The following MTOR variants were observed in gnomAD, a reference collection of about 807,000 sequenced individuals.
The protein encoded by MTOR is mechanistic target of rapamycin kinase, also known as serine/threonine-protein kinase mTOR.
Under a neutral mutation model 319.8 loss-of-function variants are expected in MTOR, and 70 were observed. That is an observed-to-expected ratio of 0.22 (90% confidence interval 0.18 to 0.27). The LOEUF (loss-of-function observed/expected upper bound fraction) is 0.27. Ranked by LOEUF, MTOR falls within the 10% of genes least tolerant of loss-of-function variation. The probability of loss-of-function intolerance (pLI) is 1.00; values close to 1 mark genes in which losing one functional copy is unlikely to be tolerated. For missense variants in MTOR, 1,890 were observed against 3,274.4 expected, an observed-to-expected ratio of 0.58 and a Z score of 10.32; for synonymous variants, 1,183 against 1,211.4, an observed-to-expected ratio of 0.98 and a Z score of 0.49.
rs140146634 is a variant in MTOR, at chr1:11,237,897, G to A, written c.2154C>T (p.Leu718=). ...TGACAAAGGCAGGGTTCATGCTACT[G>A]AGTCGGCCCACAGTGCAGATGGCCA... ...RELAICTVGR[L]SSMNPAFVMP... is the part of the protein sequence containing the mutation. Residue 718 remains leucine (L), a synonymous_variant, in exon 13 of 58, where the codon CTC becomes CTT. Coordinates refer to ENST00000361445, the MANE Select transcript of MTOR (RefSeq NM_004958.4). The A allele has an allele frequency of 6.2e-7, 1 of 1,614,132 alleles. No individual in the cohort carries two copies. Among genetic ancestry groups the A allele is most frequent in the African/African-American group, 1.3e-5 (1 of 75,058 alleles).
At chr1:11,107,944 T>A (rs1025216560) in intron 57 of MTOR, among the ~76,000 whole-genome samples, 1 of 152,228 alleles carries the variant, frequency 6.6e-6, no homozygotes, top group African/African-American at 2.4e-5. Context: ...CCTGAACCAC[T>A]TATCTTAATG....
chr1:11,226,883 A>G (rs1198502735), intron 19 of MTOR, among the ~76,000 whole-genome samples: 2 of 152,136 alleles, frequency 1.3e-5, no homozygotes, highest in African/African-American at 4.8e-5. Context: ...TTAAAACTAA[A>G]AAACAAAACT....
intron 17 of MTOR, 36 bp downstream of exon 17, chr1:11,231,264 A>G (rs753584793): frequency 6.2e-7 from 1 of 1,613,048 alleles, no homozygotes; most frequent in Non-Finnish European, 8.5e-7. Flanking sequence ...TCGTCCCAGC[A>G]AAGTCTTTAA....
chr1:11,258,420 G>T, intron 3 of MTOR, 65 bp downstream of exon 3: 1 of 1,112,040 alleles, frequency 9.0e-7, no homozygotes, highest in Non-Finnish European at 1.3e-6. Context: ...GTAAGTGGCA[G>T]ACACAGGGTG....
chr1:11,125,203 A>G (rs1050841112), intron 46 of MTOR, among the ~76,000 whole-genome samples: 5 of 152,034 alleles, frequency 3.3e-5, no homozygotes, highest in African/African-American at 1.2e-4. Flanking sequence ...CTGAGTAACA[A>G]TTTCTCACTT....
intron 8 of MTOR, among the ~76,000 whole-genome samples, chr1:11,244,058 C>G (rs141536242): frequency 2.6e-5 from 4 of 151,484 alleles, no homozygotes; most frequent in African/African-American, 9.7e-5. Flanking sequence ...TTTGGGACAC[C>G]AAGGCAGGAG....
At chr1:11,164,185 A>G (rs1417741252) in intron 29 of MTOR, among the ~76,000 whole-genome samples, 1 of 152,100 alleles carries the variant, frequency 6.6e-6, no homozygotes, top group African/African-American at 2.4e-5. Context: ...TCTATAAAAA[A>G]TTAGCCGGGC....
intron 6 of MTOR, 76 bp downstream of exon 6, chr1:11,253,763 G>T: frequency 2.0e-6 from 3 of 1,501,560 alleles, no homozygotes; most frequent in South Asian, 1.1e-5. Flanking sequence ...GCTCCATGAG[G>T]ACATGGATCT....
At chr1:11,209,928 C>T (rs189762046) in intron 24 of MTOR, among the ~76,000 whole-genome samples, 16 of 151,816 alleles carry the variant, frequency 1.1e-4, no homozygotes, top group South Asian at 8.3e-4. Context: ...AGTGCAGTAG[C>T]GCAATCTCAG....
At chr1:11,171,489 A>T (rs1187870008) in intron 28 of MTOR, among the ~76,000 whole-genome samples, 1 of 151,952 alleles carries the variant, frequency 6.6e-6, no homozygotes, top group Non-Finnish European at 1.5e-5. Flanking sequence ...AGCTCGATTC[A>T]TTCCGAGGAG....
At chr1:11,238,947 G>A (rs888218880) in intron 11 of MTOR, among the ~76,000 whole-genome samples, 9 of 103,718 alleles carry the variant, frequency 8.7e-5, no homozygotes, top group Non-Finnish European at 1.6e-4. Flanking sequence ...TTTTTTTTTT[G>A]GTATTTTTAT....
rs1356190335 is a variant in MTOR at position 11,115,849 on chromosome 1, T to C, written c.7017-381A>G. On this transcript the variant is annotated intron_variant, in intron 50 of 57. Transcript: ENST00000361445. The surrounding 1 kb of genome is among the most constrained non-coding windows in gnomAD (Gnocchi z 4.5). The stretch of plus-strand genomic sequence containing the variant: ...GAGATACTGTGCTTTTCTGAGGTCT[T>C]TGGTGACCTAATAAGTCATTTCTGG... 6.6e-6 allele frequency among the ~76,000 whole-genome samples: 1 copy of C among 152,230 alleles called. No homozygotes were observed. Among genetic ancestry groups the C allele is most frequent in the Non-Finnish European group, 1.5e-5 (1 of 68,034 alleles).
In MTOR at chr1:11,135,705, C is replaced by T. The variant is rs553708478; in HGVS notation, c.5131-1239G>A. ...AAAATTAGCCGGGCGTGGTGGGGCG[C>T]GCCTGTAATCCCAGCTATTTGGGAG... On this transcript the variant is annotated intron_variant, in intron 36 of 57. Transcript: ENST00000361445. 1.7e-4 allele frequency among the ~76,000 whole-genome samples: 26 copies of T among 150,710 alleles called. No individual in the cohort carries two copies. The East Asian group carries it at 1.8e-3, about 10-fold the overall frequency.
In MTOR at chr1:11,145,170, C is replaced by T. The variant is rs149505126; in HGVS notation, c.4687-125G>A. The T allele has an allele frequency of 7.9e-5, 65 of 821,148 alleles. No homozygotes were observed. The African/African-American group carries it at 1.0e-3, about 13-fold the overall frequency. The allele number at this position is 821,148 out of a possible 1,614,324, so 50.9% of individuals were successfully genotyped here. ...AATTCCAGGGATGAAAAGAGAAATT[C>T]GCTGAAGAAGGGCATTTTCCCAGAA... On this transcript the variant is annotated intron_variant, in intron 32 of 57. Coordinates refer to ENST00000361445, the MANE Select transcript of MTOR (RefSeq NM_004958.4).
In MTOR at chr1:11,210,837, C is replaced by T; in HGVS notation, c.3631G>A (p.Val1211Met). Reference sequence around the variant, plus strand: ...ACCTTGACAATTCTGCAGATGAGCACATCATAGCGCTGATGATTGATTCGG... The same window carrying T: ...ACCTTGACAATTCTGCAGATGAGCATATCATAGCGCTGATGATTGATTCGG... Reference protein sequence around the residue: ...RHRINHQRYDVLICRIVKGYT... With the variant: ...RHRINHQRYDMLICRIVKGYT... Residue 1211 changes from valine to methionine, a missense_variant, in exon 24 of 58, where the codon GTG becomes ATG. Val to Met is a conservative substitution (Grantham distance 21). This residue lies in a region of MTOR where 115 missense variants were observed against 105.7 expected (regional missense o/e 1.09). Coordinates refer to ENST00000361445, the MANE Select transcript of MTOR (RefSeq NM_004958.4). 2.5e-6 allele frequency: 4 copies of T among 1,612,880 alleles called. No individual in the cohort carries two copies. Among genetic ancestry groups the T allele is most frequent in the Non-Finnish European group, 3.4e-6 (4 of 1,179,474 alleles).
At chr1:11,160,926 G>C (rs776690669) in intron 29 of MTOR, among the ~76,000 whole-genome samples, 1 of 152,198 alleles carries the variant, frequency 6.6e-6, no homozygotes, top group East Asian at 1.9e-4. Context: ...GGGGCTTGTC[G>C]GACAGTGGGT....
In MTOR at chr1:11,230,030, T is replaced by C. The variant is rs374545725; in HGVS notation, c.2779+895A>G. Among the ~76,000 whole-genome samples, 193 of 151,736 alleles carry C rather than the reference T, an allele frequency of 1.3e-3. 1 individual carries two copies. Among genetic ancestry groups the C allele is most frequent in the South Asian group, 5.0e-3 (24 of 4,800 alleles). Reference sequence around the variant, plus strand: ...GCAATGGGCAACAGACCACCAGAAATTATTCCACCTGTCTAACTGGAACCT... The same window carrying C: ...GCAATGGGCAACAGACCACCAGAAACTATTCCACCTGTCTAACTGGAACCT... On this transcript the variant is annotated intron_variant, in intron 18 of 57. Coordinates refer to ENST00000361445, the MANE Select transcript of MTOR (RefSeq NM_004958.4).
intron 6 of MTOR, among the ~76,000 whole-genome samples, chr1:11,248,777 A>C (rs1649191768): frequency 1.3e-5 from 2 of 151,944 alleles, no homozygotes; most frequent in Non-Finnish European, 2.9e-5. Flanking sequence ...GCACCACTGC[A>C]CTCTAGCCTG....
rs111715855 is a variant in MTOR, at chr1:11,228,935, G to C, written c.2780-17C>G. On this transcript the variant is annotated splice_polypyrimidine_tract_variant and intron_variant, in intron 18 of 57. Transcript: ENST00000361445. Reference sequence around the variant, plus strand: ...TATAGTCAGCTAGGACAAAACAACAGAGAGTGTTAGAGCTACACATGGCAT... The same window carrying C: ...TATAGTCAGCTAGGACAAAACAACACAGAGTGTTAGAGCTACACATGGCAT... The C allele has an allele frequency of 6.2e-7, 1 of 1,613,408 alleles. No homozygotes were observed. The highest frequency in any genetic ancestry group is 8.5e-7 in the Non-Finnish European group (1 of 1,179,462).
Sources: allele counts gnomAD v4.1 joint callset (sites outside exome capture counted in the v4.1 genomes callset), GRCh38; gene constraint gnomAD v4.1.1; regional missense constraint gnomAD v4.1.1; non-coding constraint Gnocchi (gnomAD v3.1); transcripts MANE v1.5; gene names NCBI Gene and HGNC (gene_info 2026-07-23, HGNC 2026-07-21).